S100Z: variants seen among roughly 807,000 people sequenced by gnomAD.
S100Z encodes the protein protein S100-Z.
Under a neutral mutation model 8.5 loss-of-function variants are expected in S100Z, and 11 were observed. That is an observed-to-expected ratio of 1.30 (90% confidence interval 0.82 to 2.15). The LOEUF (loss-of-function observed/expected upper bound fraction) is 2.15. S100Z is among the 30% of genes most tolerant of loss of function. S100Z has a pLI of 0.00. For synonymous variants in S100Z, 34 were observed against 43.8 expected, an observed-to-expected ratio of 0.78 and a Z score of 0.89; for missense variants, 126 against 117.9, an observed-to-expected ratio of 1.07 and a Z score of -0.32.
intron 2 of S100Z, among the ~76,000 whole-genome samples, chr5:76,871,903 C>T (rs1360675963): frequency 1.3e-5 from 2 of 152,190 alleles, no homozygotes; most frequent in Non-Finnish European, 2.9e-5. Context: ...GTACACCTTA[C>T]ATATACTGAT....
At chr5:76,931,282 A>G in the S100Z span, among the ~76,000 whole-genome samples, 1 of 151,688 alleles carries the variant, frequency 6.6e-6, no homozygotes, top group Non-Finnish European at 1.5e-5. Context: ...TAATTTTTTA[A>G]AAAACTTTTT....
intron 4 of S100Z, among the ~76,000 whole-genome samples, chr5:76,880,484 G>A (rs1743367850): frequency 6.6e-6 from 1 of 152,214 alleles, no homozygotes; most frequent in Non-Finnish European, 1.5e-5. Flanking sequence ...GGAACCTAGA[G>A]TGGGTGAGAT....
At chr5:76,870,608 T>C (rs920340495) in intron 2 of S100Z, among the ~76,000 whole-genome samples, 2 of 146,904 alleles carry the variant, frequency 1.4e-5, no homozygotes, top group Non-Finnish European at 3.0e-5. Flanking sequence ...AAAGCTTGAT[T>C]TTTTTTTTTC....
At chr5:76,889,160 C>T (rs188394503) in intron 4 of S100Z, among the ~76,000 whole-genome samples, 59 of 152,288 alleles carry the variant, frequency 3.9e-4, no homozygotes, top group African/African-American at 1.3e-3. Context: ...TTCCCTCTCT[C>T]GGCTTTGGAG....
At chr5:76,863,513 T>G (rs950836044) in intron 1 of S100Z, among the ~76,000 whole-genome samples, 4 of 152,214 alleles carry the variant, frequency 2.6e-5, no homozygotes, top group African/African-American at 9.6e-5. Context: ...TGTCCTCAAT[T>G]ATATTATCTC....
At chr5:76,894,568 A>G (rs1428674821) in intron 4 of S100Z, among the ~76,000 whole-genome samples, 2 of 152,098 alleles carry the variant, frequency 1.3e-5, no homozygotes, top group Non-Finnish European at 2.9e-5. Context: ...TGTTTACCAC[A>G]GATGGTGACA....
At chr5:76,851,450 G>A (rs111618253) in intron 1 of S100Z, among the ~76,000 whole-genome samples, 11 of 152,208 alleles carry the variant, frequency 7.2e-5, no homozygotes, top group South Asian at 4.1e-4. Flanking sequence ...GAACTATGGC[G>A]CTAGGGTTGA....
At position 76,916,698 on chromosome 5, in the gene S100Z, A is replaced by C. The variant is rs114260560; in HGVS notation, c.*3-4019A>C. Among the ~76,000 whole-genome samples the C allele has an allele frequency of 3.5e-3, 533 of 152,314 alleles. 4 individuals carry two copies. Among genetic ancestry groups the C allele is most frequent in the African/African-American group, 0.012 (508 of 41,574 alleles). On this transcript the variant is annotated intron_variant, in intron 4 of 4. Coordinates refer to ENST00000317593, the MANE Select transcript of S100Z (RefSeq NM_130772.4). ...CTTGTAAATAATACTTGGGTCAAAAAGAGGGTCTTAAGGAAAATTAAAAAC... is the reference window on the plus strand; with the variant it reads ...CTTGTAAATAATACTTGGGTCAAAACGAGGGTCTTAAGGAAAATTAAAAAC...
intron 1 of S100Z, 57 bp from the exon 2 acceptor site, chr5:76,870,109 C>T (rs909301244): frequency 1.3e-5 from 2 of 151,958 alleles, no homozygotes; most frequent in Non-Finnish European, 2.9e-5. Context: ...TTGCTTAGGT[C>T]CCGTGAGATA....
chr5:76,863,577 T>A (rs186266166), intron 1 of S100Z, among the ~76,000 whole-genome samples: 1 of 152,142 alleles, frequency 6.6e-6, no homozygotes, highest in Non-Finnish European at 1.5e-5. Context: ...CTCACTCTGT[T>A]GCCCAGGCTG....
the S100Z span, among the ~76,000 whole-genome samples, chr5:76,932,167 TAGG>T: frequency 2.6e-5 from 4 of 152,110 alleles, no homozygotes; most frequent in Admixed American, 6.6e-5. Flanking sequence ...AGTGAAAAGA[TAGG>T]AGATTTGTTG....
At chr5:76,854,554 G>A (rs1004781290) in intron 1 of S100Z, among the ~76,000 whole-genome samples, 1 of 152,186 alleles carries the variant, frequency 6.6e-6, no homozygotes, top group African/African-American at 2.4e-5. Context: ...AAGCAGCAAA[G>A]CATTCAAGAT....
chr5:76,897,008 G>T (rs752877309), intron 4 of S100Z, among the ~76,000 whole-genome samples: 13 of 152,048 alleles, frequency 8.5e-5, no homozygotes, highest in Non-Finnish European at 1.6e-4. Flanking sequence ...TTGTTCCATT[G>T]GTCTGTGTGT....
At chr5:76,914,601 G>A (rs948764344) in intron 4 of S100Z, among the ~76,000 whole-genome samples, 1 of 152,088 alleles carries the variant, frequency 6.6e-6, no homozygotes, top group Non-Finnish European at 1.5e-5. Flanking sequence ...TTCATGAGTT[G>A]TCACACTTAC....
chr5:76,861,454 T>G lies in S100Z; in HGVS notation c.-175-8712T>G, dbSNP rs773105120. Reference sequence around the variant, plus strand: ...CCCGGGTTCAAGTGATTCCCCTGCCTCAGTCTCCCAAGTAGCTGGGATTAC... The same window carrying G: ...CCCGGGTTCAAGTGATTCCCCTGCCGCAGTCTCCCAAGTAGCTGGGATTAC... On this transcript the variant is annotated intron_variant, in intron 1 of 4. Transcript: ENST00000317593. Among the ~76,000 whole-genome samples, 51 of 152,220 alleles carry G rather than the reference T, an allele frequency of 3.4e-4. No individual in the cohort carries two copies. The Middle Eastern group carries it at 0.014, about 41-fold the overall frequency.
chr5:76,881,340 G>T (rs1435691145), intron 4 of S100Z, among the ~76,000 whole-genome samples: 2 of 152,174 alleles, frequency 1.3e-5, no homozygotes, highest in Admixed American at 1.3e-4. Flanking sequence ...TGTGGGAAAG[G>T]CCTCTACCCA....
the S100Z span, among the ~76,000 whole-genome samples, chr5:76,933,811 C>T: frequency 6.6e-6 from 1 of 152,142 alleles, no homozygotes; most frequent in Non-Finnish European, 1.5e-5. Context: ...TGCTGTGGGA[C>T]AATCACCACC....
the S100Z span, among the ~76,000 whole-genome samples, chr5:76,934,535 G>T: frequency 6.6e-6 from 1 of 152,192 alleles, no homozygotes; most frequent in South Asian, 2.1e-4. Context: ...ACAGTATTAA[G>T]AGGTGTGGCC....
chr5:76,867,795 T>G (rs1443772499), intron 1 of S100Z, among the ~76,000 whole-genome samples: 3 of 152,132 alleles, frequency 2.0e-5, no homozygotes, highest in Admixed American at 2.0e-4. Flanking sequence ...TTGGCCAGGC[T>G]GGTCTCAAAC....
Sources: allele counts gnomAD v4.1 joint callset (sites outside exome capture counted in the v4.1 genomes callset), GRCh38; gene constraint gnomAD v4.1.1; transcripts MANE v1.5; gene names NCBI Gene and HGNC (gene_info 2026-07-23, HGNC 2026-07-21).